The following ROCK1 variants were observed in gnomAD, a reference collection of about 807,000 sequenced individuals.
The protein encoded by ROCK1 is Rho associated coiled-coil containing protein kinase 1.
A neutral mutation model predicts 196.8 loss-of-function variants in ROCK1; 36 were observed. That is an observed-to-expected ratio of 0.18 (90% CI 0.14 to 0.24). The LOEUF (loss-of-function observed/expected upper bound fraction) is 0.24, where lower values mean the gene tolerates loss of function less well. Ranked by LOEUF, ROCK1 falls within the 10% of genes least tolerant of loss-of-function variation. The probability of loss-of-function intolerance (pLI) is 1.00; values close to 1 mark genes in which losing one functional copy is unlikely to be tolerated. For synonymous variants in ROCK1, 443 were observed against 515.9 expected, an observed-to-expected ratio of 0.86 and a Z score of 1.91; for missense variants, 920 against 1,562.0, an observed-to-expected ratio of 0.59 and a Z score of 6.93.
chr18:20,972,210 C>T (rs1387144243), intron 22 of ROCK1, among the ~76,000 whole-genome samples: 2 of 151,944 alleles, frequency 1.3e-5, no homozygotes, highest in African/African-American at 4.8e-5. Context: ...TGTTGGTGGA[C>T]TGCATTTAGA....
chr18:20,970,925 CT>C (rs2035420096), intron 22 of ROCK1, among the ~76,000 whole-genome samples: 1 of 152,150 alleles, frequency 6.6e-6, no homozygotes, highest in South Asian at 2.1e-4. Context: ...GGGCAAGTCC[CT>C]TACACTTCCT....
In ROCK1 at chr18:20,950,351, T is replaced by C. The variant is rs185421317; in HGVS notation, c.*1033A>G. ...TCTAAATATTTTAAATTAAACCAAT[T>C]ATCAATGAAAAACTCACTGACACAC... On this transcript the variant is annotated 3_prime_UTR_variant, in exon 33 of 33. Transcript: ENST00000399799. 157 of 152,772 alleles carry C rather than the reference T, an allele frequency of 1.0e-3. 1 individual carries two copies. Among genetic ancestry groups the C allele is most frequent in the Admixed American group, 9.4e-3 (143 of 15,290 alleles). 9.5% of individuals were successfully genotyped at this position (152,772 alleles called of 1,614,324 possible).
chr18:21,052,752 T>C (rs2036214244), intron 2 of ROCK1, among the ~76,000 whole-genome samples: 1 of 152,032 alleles, frequency 6.6e-6, no homozygotes, highest in African/African-American at 2.4e-5. Context: ...TAATGCCTGA[T>C]GATCTGAGGT....
At chr18:21,058,837 C>T (rs1013964438) in intron 2 of ROCK1, among the ~76,000 whole-genome samples, 2 of 152,072 alleles carry the variant, frequency 1.3e-5, no homozygotes, top group African/African-American at 2.4e-5. Context: ...CCTCGGCCTC[C>T]GAAAGTGCTG....
At chr18:21,057,900 T>G (rs574421079) in intron 2 of ROCK1, among the ~76,000 whole-genome samples, 3 of 152,166 alleles carry the variant, frequency 2.0e-5, no homozygotes, top group Non-Finnish European at 4.4e-5. Flanking sequence ...GAATTTATCC[T>G]AAGGAAATGA....
At chr18:21,041,483 A>G (rs1486936925) in intron 8 of ROCK1, among the ~76,000 whole-genome samples, 1 of 152,046 alleles carries the variant, frequency 6.6e-6, no homozygotes, top group Non-Finnish European at 1.5e-5. Context: ...AAAGTAAACC[A>G]CAAAGGTATA....
intron 14 of ROCK1, 81 bp downstream of exon 14, chr18:21,007,978 T>C (rs2035782423): frequency 9.8e-7 from 1 of 1,022,570 alleles, no homozygotes; most frequent in Non-Finnish European, 1.4e-6. Flanking sequence ...GCTTCATGTA[T>C]GTATCATGGA....
intron 1 of ROCK1, among the ~76,000 whole-genome samples, chr18:21,087,742 C>T (rs1380592905): frequency 2.0e-5 from 3 of 152,174 alleles, no homozygotes; most frequent in Non-Finnish European, 1.5e-5. Context: ...AACTTGAATA[C>T]TTCTCTCTTA....
Position 21,065,687 on chromosome 18 carries a change from A to G in ROCK1, c.175+4845T>C, listed in dbSNP as rs187611183. ...AATCGCTTAATTTTATCTTGGTATC[A>G]TCTCTCTAACTCCTATGAAAATGTC... On this transcript the variant is annotated intron_variant, in intron 2 of 32. Transcript: ENST00000399799. Among the ~76,000 whole-genome samples the G allele has an allele frequency of 2.0e-3, 299 of 152,262 alleles. 3 individuals carry two copies. Among genetic ancestry groups the G allele is most frequent in the Non-Finnish European group, 3.0e-3 (207 of 68,018 alleles).
At chr18:21,057,823 G>GA (rs1276497576) in intron 2 of ROCK1, among the ~76,000 whole-genome samples, 1 of 151,530 alleles carries the variant, frequency 6.6e-6, no homozygotes, top group Non-Finnish European at 1.5e-5. Flanking sequence ...TCTGTATCAA[G>GA]AAAAAAATTA....
At chr18:21,024,536 A>T (rs1168327052) in intron 10 of ROCK1, among the ~76,000 whole-genome samples, 1 of 152,354 alleles carries the variant, frequency 6.6e-6, no homozygotes. Context: ...ATTAACCAGT[A>T]GAGCTATTGC....
chr18:21,039,690 T>A (rs746684098), intron 8 of ROCK1, 127 bp from the exon 9 acceptor site: 3 of 645,272 alleles, frequency 4.6e-6, no homozygotes, highest in Non-Finnish European at 8.2e-6. Context: ...GGTGAAATTA[T>A]ATTGTCAGCA....
chr18:21,060,336 A>G (rs971312236), intron 2 of ROCK1, among the ~76,000 whole-genome samples: 3 of 152,244 alleles, frequency 2.0e-5, no homozygotes, highest in Non-Finnish European at 4.4e-5. Context: ...TCTATGAAAG[A>G]CATTATGCAA....
intron 32 of ROCK1, among the ~76,000 whole-genome samples, chr18:20,952,000 T>C (rs1206768048): frequency 6.6e-6 from 1 of 152,196 alleles, no homozygotes; most frequent in Non-Finnish European, 1.5e-5. Context: ...GGCTGTGTGA[T>C]TGAGCAAACT....
Position 21,099,713 on chromosome 18 carries a change from C to G in ROCK1, c.93+11105G>C, listed in dbSNP as rs111986967. 2.2e-3 allele frequency among the ~76,000 whole-genome samples: 334 copies of G among 152,304 alleles called. 1 individual carries two copies. Among genetic ancestry groups the G allele is most frequent in the African/African-American group, 7.7e-3 (319 of 41,570 alleles). On this transcript the variant is annotated intron_variant, in intron 1 of 32. Transcript: ENST00000399799. ...TGAACCGTGATCATGCCACTGCACTCCAGCCTGGGGGACAGAGCAAGACCC... is the reference window on the plus strand; with the variant it reads ...TGAACCGTGATCATGCCACTGCACTGCAGCCTGGGGGACAGAGCAAGACCC...
rs749287789 is a variant in ROCK1 at position 20,966,969 on chromosome 18, A to G, written c.3300T>C (p.Ser1100=). Residue 1100 remains serine, a synonymous_variant, in exon 27 of 33, where the codon TCT becomes TCC. Transcript: ENST00000399799. ...LRAKLLDLSD[S]TSVASFPSAD... is the part of the protein sequence containing the mutation. Reference sequence around the variant, plus strand: ...CACTAGGAAAACTAGCAACACTTGTAGAATCCGAGAGGTCCAAAAGTTTAG... The same window carrying G: ...CACTAGGAAAACTAGCAACACTTGTGGAATCCGAGAGGTCCAAAAGTTTAG... 11 of 1,613,756 alleles carry G rather than the reference A, an allele frequency of 6.8e-6. No individual in the cohort carries two copies. In the South Asian group the frequency reaches 8.8e-5, roughly 13 times the overall value.
At chr18:21,091,176 CATGAAGATAACGAG>C (rs2036566912) in intron 1 of ROCK1, among the ~76,000 whole-genome samples, 1 of 152,106 alleles carries the variant, frequency 6.6e-6, no homozygotes, top group African/African-American at 2.4e-5. Flanking sequence ...AGCTACTCAA[CATGAAGATAACGAG>C]GATGAAGACC....
rs931735832 is a variant in ROCK1 at position 21,073,922 on chromosome 18, A to G, written c.94-3309T>C. Among the ~76,000 whole-genome samples the G allele has an allele frequency of 9.9e-5, 15 of 152,136 alleles. 1 individual carries two copies. Among genetic ancestry groups the G allele is most frequent in the Admixed American group, 3.9e-4 (6 of 15,256 alleles). On this transcript the variant is annotated intron_variant, in intron 1 of 32. Transcript: ENST00000399799. Reference sequence around the variant, plus strand: ...AATCCCAGCACTTTGGGAGATCGAGACAGGAGGATCACTTGAAACCAGGAG... The same window carrying G: ...AATCCCAGCACTTTGGGAGATCGAGGCAGGAGGATCACTTGAAACCAGGAG...
chr18:21,058,351 C>G (rs1411619948), intron 2 of ROCK1, among the ~76,000 whole-genome samples: 1 of 152,026 alleles, frequency 6.6e-6, no homozygotes, highest in Non-Finnish European at 1.5e-5. Flanking sequence ...TTATGTACCA[C>G]TAGAGATTCT....
Sources: allele counts gnomAD v4.1 joint callset (sites outside exome capture counted in the v4.1 genomes callset), GRCh38; gene constraint gnomAD v4.1.1; transcripts MANE v1.5; gene names NCBI Gene and HGNC (gene_info 2026-07-23, HGNC 2026-07-21).